The following SMIM14 variants were observed in gnomAD, a reference collection of about 807,000 sequenced individuals.
The protein encoded by SMIM14 is chromosome 4 open reading frame 34.
A neutral mutation model predicts 12.6 loss-of-function variants in SMIM14; 5 were observed. The ratio of observed to expected loss-of-function variants is 0.40; its 90% CI spans 0.21 to 0.83. The LOEUF is 0.83. Ranked by LOEUF, SMIM14 falls within the 40% of genes least tolerant of loss-of-function variation. The probability of loss-of-function intolerance (pLI) is 0.37; values close to 1 mark genes in which losing one functional copy is unlikely to be tolerated. For synonymous variants in SMIM14, 30 were observed against 40.1 expected, an observed-to-expected ratio of 0.75 and a Z score of 0.95; for missense variants, 86 against 119.1, an observed-to-expected ratio of 0.72 and a Z score of 1.29.
intron 2 of SMIM14, among the ~76,000 whole-genome samples, chr4:39,576,004 C>T (rs1713150358): frequency 6.6e-6 from 1 of 151,750 alleles, no homozygotes; most frequent in Non-Finnish European, 1.5e-5. Context: ...AGTGATTGTC[C>T]TGCCTCAGCC....
At chr4:39,624,759 G>C (rs1715625106) in intron 1 of SMIM14, among the ~76,000 whole-genome samples, 1 of 148,726 alleles carries the variant, frequency 6.7e-6, no homozygotes, top group South Asian at 2.1e-4. Context: ...AGGAGGCGGA[G>C]GTTGCATTGA....
At chr4:39,567,257 C>A (rs552929195) in intron 3 of SMIM14, among the ~76,000 whole-genome samples, 1 of 148,680 alleles carries the variant, frequency 6.7e-6, no homozygotes, top group South Asian at 2.2e-4. Context: ...TAGATAATTT[C>A]TCAGATTACA....
intron 1 of SMIM14, among the ~76,000 whole-genome samples, chr4:39,628,027 G>A (rs148560707): frequency 6.6e-6 from 1 of 152,298 alleles, no homozygotes; most frequent in African/African-American, 2.4e-5. Flanking sequence ...CTAAAAAAAA[G>A]GCTAGGCGTG....
intron 1 of SMIM14, among the ~76,000 whole-genome samples, chr4:39,636,786 C>T (rs998595067): frequency 6.6e-6 from 1 of 152,042 alleles, no homozygotes; most frequent in African/African-American, 2.4e-5. Context: ...TACACACCTA[C>T]GATAAAATTC....
At chr4:39,601,888 A>G (rs1324294118) in intron 2 of SMIM14, among the ~76,000 whole-genome samples, 1 of 151,494 alleles carries the variant, frequency 6.6e-6, no homozygotes, top group Non-Finnish European at 1.5e-5. Context: ...TCAAGGTTGC[A>G]ATGAGCTATT....
intron 2 of SMIM14, among the ~76,000 whole-genome samples, chr4:39,574,237 C>CT (rs11338888): frequency 0.19 from 23,532 of 127,080 alleles, 2,192 homozygotes; most frequent in South Asian, 0.39. Context: ...CTGCAACTTT[C>CT]TTTTTTTTTT....
intron 2 of SMIM14, among the ~76,000 whole-genome samples, chr4:39,586,453 T>C (rs1220143384): frequency 6.6e-6 from 1 of 152,090 alleles, no homozygotes; most frequent in African/African-American, 2.4e-5. Context: ...CTTTTCTCCA[T>C]TGTCCAGTAA....
chr4:39,575,935 C>A (rs915323863), intron 2 of SMIM14, among the ~76,000 whole-genome samples: 2 of 147,080 alleles, frequency 1.4e-5, no homozygotes, highest in African/African-American at 5.1e-5. Flanking sequence ...ACTCTGTCAC[C>A]AAGGTTGGAG....
chr4:39,557,908 C>A (rs532519871), intron 3 of SMIM14, among the ~76,000 whole-genome samples: 1 of 152,092 alleles, frequency 6.6e-6, no homozygotes, highest in African/African-American at 2.4e-5. Flanking sequence ...TTAATTTGAC[C>A]TTCTTTTTCA....
At chr4:39,556,819 G>A (rs1712039862) in intron 3 of SMIM14, among the ~76,000 whole-genome samples, 1 of 152,104 alleles carries the variant, frequency 6.6e-6, no homozygotes, top group African/African-American at 2.4e-5. Flanking sequence ...ACAGGGTCTT[G>A]CTCTATCAAA....
intron 2 of SMIM14, among the ~76,000 whole-genome samples, chr4:39,576,681 TATA>T (rs1319627160): frequency 5.1e-4 from 18 of 35,556 alleles, no homozygotes; most frequent in African/African-American, 2.0e-3. Context: ...TATATATATA[TATA>T]TTTTTTTTTT....
intron 1 of SMIM14, among the ~76,000 whole-genome samples, chr4:39,628,566 C>G (rs1016853380): frequency 2.0e-5 from 3 of 151,254 alleles, no homozygotes; most frequent in African/African-American, 7.3e-5. Flanking sequence ...AGTCCCAAGT[C>G]AGCAACTTGG....
intron 1 of SMIM14, among the ~76,000 whole-genome samples, chr4:39,622,211 G>A (rs1270147967): frequency 1.3e-5 from 2 of 151,362 alleles, no homozygotes. Context: ...AGCCTCCCGA[G>A]TAGCTGGGAC....
intron 1 of SMIM14, among the ~76,000 whole-genome samples, chr4:39,614,916 C>T (rs1310676045): frequency 6.6e-6 from 1 of 152,170 alleles, no homozygotes; most frequent in Non-Finnish European, 1.5e-5. Context: ...CTAATACAAC[C>T]TTTCCTGGTA....
chr4:39,570,318 G>A (rs1011294059), intron 3 of SMIM14, among the ~76,000 whole-genome samples: 1 of 152,094 alleles, frequency 6.6e-6, no homozygotes, highest in East Asian at 1.9e-4. Flanking sequence ...GTGCCACCAC[G>A]CCCAGCTAAT....
chr4:39,604,241 A>G (rs1337041958), intron 2 of SMIM14, among the ~76,000 whole-genome samples: 1 of 152,124 alleles, frequency 6.6e-6, no homozygotes, highest in Non-Finnish European at 1.5e-5. Flanking sequence ...AATCTACCAT[A>G]AAGACAGTAG....
In SMIM14 at chr4:39,558,357, C is replaced by G. The variant is rs1472671291; in HGVS notation, c.125-1787G>C. 6.6e-6 allele frequency among the ~76,000 whole-genome samples: 1 copy of G among 152,164 alleles called. No individual in the cohort carries two copies. The highest frequency in any genetic ancestry group is 1.5e-5 in the Non-Finnish European group (1 of 68,032). ...GAAAAGGAAAAATCCATTAGGTAAA[C>G]AGTTAAGGCTGGGCCCCTAGAAGTG... On this transcript the variant is annotated intron_variant, in intron 3 of 4. Coordinates refer to ENST00000295958, the MANE Select transcript of SMIM14 (RefSeq NM_174921.3). The surrounding 1 kb of genome is among the most constrained non-coding windows in gnomAD (Gnocchi z 4.3).
intron 1 of SMIM14, among the ~76,000 whole-genome samples, chr4:39,613,577 T>TTAAA (rs1422896013): frequency 3.9e-5 from 6 of 152,182 alleles, no homozygotes; most frequent in Non-Finnish European, 5.9e-5. Context: ...CACCGCACAT[T>TTAAA]TAAATCCCTT....
chr4:39,577,529 G>A (rs1339556025), intron 2 of SMIM14, among the ~76,000 whole-genome samples: 3 of 151,046 alleles, frequency 2.0e-5, no homozygotes, highest in Non-Finnish European at 4.4e-5. Flanking sequence ...CTGGATTCAA[G>A]TGATTCTCCT....
Sources: allele counts gnomAD v4.1 joint callset (sites outside exome capture counted in the v4.1 genomes callset), GRCh38; gene constraint gnomAD v4.1.1; non-coding constraint Gnocchi (gnomAD v3.1); transcripts MANE v1.5; gene names NCBI Gene and HGNC (gene_info 2026-07-23, HGNC 2026-07-21).